FMNL2: variants seen among roughly 807,000 people sequenced by gnomAD.
The protein encoded by FMNL2 is formin like 2.
In FMNL2, 51 loss-of-function variants were observed where a neutral mutation model predicts 130.2. The ratio of observed to expected loss-of-function variants is 0.39; its 90% confidence interval spans 0.31 to 0.49. The LOEUF is 0.49. Among genes scored for constraint, FMNL2 ranks in the 20% least tolerant of loss-of-function variants. FMNL2 has a pLI of 0.85. For synonymous variants in FMNL2, 465 were observed against 467.1 expected, an observed-to-expected ratio of 1.00 and a Z score of 0.06; for missense variants, 977 against 1,316.2, an observed-to-expected ratio of 0.74 and a Z score of 3.99.
intron 1 of FMNL2, among the ~76,000 whole-genome samples, chr2:152,441,538 A>C (rs62180798): frequency 0.03 from 4,613 of 151,976 alleles, 83 homozygotes; most frequent in Non-Finnish European, 0.046. Context: ...ACCCTGTCTT[A>C]AAAATGGGGG....
At chr2:152,517,869 A>G (rs1692862748) in intron 1 of FMNL2, among the ~76,000 whole-genome samples, 1 of 152,196 alleles carries the variant, frequency 6.6e-6, no homozygotes, top group African/African-American at 2.4e-5. Flanking sequence ...AATATGTTGG[A>G]TGGAACAATG....
At chr2:152,415,640 C>A (rs531420212) in intron 1 of FMNL2, among the ~76,000 whole-genome samples, 1 of 152,054 alleles carries the variant, frequency 6.6e-6, no homozygotes, top group African/African-American at 2.4e-5. Flanking sequence ...AGAATTTTTT[C>A]CCCCCTCTGA....
Position 152,530,287 on chromosome 2 carries a change from T to C in FMNL2, c.201+8261T>C, listed in dbSNP as rs555420880. On this transcript the variant is annotated intron_variant, in intron 2 of 25. Transcript: ENST00000288670. ...ACCAAGTGATACAGATACTACCTTA[T>C]GTCATTTTAACATTTGACTATTTAA... is the stretch of plus-strand genomic sequence containing the variant. Among the ~76,000 whole-genome samples, 26 of 152,364 alleles carry C rather than the reference T, an allele frequency of 1.7e-4. No homozygotes were observed. The South Asian group carries it at 4.8e-3, about 28-fold the overall frequency.
intron 2 of FMNL2, among the ~76,000 whole-genome samples, chr2:152,535,885 A>G (rs139341252): frequency 1.5e-3 from 228 of 152,338 alleles, no homozygotes; most frequent in Non-Finnish European, 2.7e-3. Flanking sequence ...ACCATCCCCA[A>G]CATGCTCATA....
intron 1 of FMNL2, among the ~76,000 whole-genome samples, chr2:152,435,915 T>C (rs1281112616): frequency 2.0e-5 from 3 of 152,190 alleles, no homozygotes; most frequent in Non-Finnish European, 4.4e-5. Flanking sequence ...CCCACCACAA[T>C]ACTACCTTGA....
In FMNL2 at chr2:152,581,045, A is replaced by G. The variant is rs777060893; in HGVS notation, c.872A>G (p.Lys291Arg). Residue 291 changes from lysine to arginine, a missense_variant, in exon 9 of 26, where the codon AAA (lysine) becomes AGA (arginine). Coordinates refer to ENST00000288670, the MANE Select transcript of FMNL2 (RefSeq NM_052905.4). ...ATTTTATCAGCATTTGATAACTTTA[A>G]AGAGGTAGGCTACACTATAGTTTTC... ...EIILSAFDNF[K>R]EVCGEKQRFE... is the part of the protein sequence containing the mutation. 2 of 1,613,642 alleles carry G rather than the reference A, an allele frequency of 1.2e-6. No homozygotes were observed. The highest frequency in any genetic ancestry group is 1.7e-5 in the Admixed American group (1 of 60,014).
chr2:152,480,633 T>TAA (rs58943356), intron 1 of FMNL2, among the ~76,000 whole-genome samples: 1,620 of 37,342 alleles, frequency 0.043, 113 homozygotes, highest in East Asian at 0.12. Context: ...AGACTCTGTC[T>TAA]AAAAAAAAAA....
At chr2:152,446,423 G>A (rs1469799758) in intron 1 of FMNL2, among the ~76,000 whole-genome samples, 1 of 152,168 alleles carries the variant, frequency 6.6e-6, no homozygotes, top group African/African-American at 2.4e-5. Context: ...GATGGTAGCT[G>A]AAACCAGATT....
intron 1 of FMNL2, among the ~76,000 whole-genome samples, chr2:152,462,119 TC>T (rs1470515373): frequency 3.3e-5 from 5 of 152,138 alleles, no homozygotes. Flanking sequence ...TGCCTCAACC[TC>T]CCAAAGTGTT....
intron 1 of FMNL2, among the ~76,000 whole-genome samples, chr2:152,380,543 C>T (rs1031887268): frequency 6.6e-6 from 1 of 152,202 alleles, no homozygotes; most frequent in African/African-American, 2.4e-5. Context: ...CATTGTTCTC[C>T]ATACACTCTG....
At chr2:152,434,353 G>A (rs1687639091) in intron 1 of FMNL2, among the ~76,000 whole-genome samples, 1 of 152,174 alleles carries the variant, frequency 6.6e-6, no homozygotes, top group African/African-American at 2.4e-5. Flanking sequence ...ATATGACCTG[G>A]TGGCCCTTTG....
rs1173595907 is a variant in FMNL2 at position 152,629,672 on chromosome 2, T to C, written c.2417T>C (p.Ile806Thr). Reference protein sequence around the residue: ...QMLTPQLHAIIAASVSIKSSQ... With the variant: ...QMLTPQLHAITAASVSIKSSQ... ...GGAATCTAGCAACTACATGCGATTA[T>C]AGCAGCATCTGTCTCTATAAAGTCG... Residue 806 changes from isoleucine to threonine, a missense_variant, in exon 19 of 26, where the codon ATA becomes ACA. Transcript: ENST00000288670. 3 of 1,600,758 alleles carry C rather than the reference T, an allele frequency of 1.9e-6. No individual in the cohort carries two copies. Among genetic ancestry groups the C allele is most frequent in the Non-Finnish European group, 1.7e-6 (2 of 1,172,936 alleles).
At chr2:152,549,952 C>A (rs370089305) in intron 4 of FMNL2, among the ~76,000 whole-genome samples, 4 of 152,248 alleles carry the variant, frequency 2.6e-5, no homozygotes, top group African/African-American at 9.6e-5. Context: ...CCATGACATT[C>A]TTTGCAAGTC....
chr2:152,587,600 A>G (rs953499871), intron 9 of FMNL2, among the ~76,000 whole-genome samples: 1 of 152,224 alleles, frequency 6.6e-6, no homozygotes, highest in African/African-American at 2.4e-5. Flanking sequence ...ATATTGTGAG[A>G]GCCTTCCCTA....
At chr2:152,511,728 T>A (rs1409461897) in intron 1 of FMNL2, among the ~76,000 whole-genome samples, 1 of 152,060 alleles carries the variant, frequency 6.6e-6, no homozygotes, top group Non-Finnish European at 1.5e-5. Flanking sequence ...CTAGCGATAA[T>A]CTTAATGTCC....
intron 1 of FMNL2, among the ~76,000 whole-genome samples, chr2:152,375,867 C>CTATATA (rs1156878897): frequency 1.8e-5 from 2 of 113,130 alleles, no homozygotes; most frequent in African/African-American, 6.8e-5. Flanking sequence ...CTCTCTCTCT[C>CTATATA]TCTCTCTCTC....
At chr2:152,454,697 C>T (rs561521893) in intron 1 of FMNL2, among the ~76,000 whole-genome samples, 2 of 152,294 alleles carry the variant, frequency 1.3e-5, no homozygotes, top group African/African-American at 4.8e-5. Flanking sequence ...GGGAGCTCTT[C>T]ATTAAGATCA....
chr2:152,360,616 A>T (rs1683109351), intron 1 of FMNL2, among the ~76,000 whole-genome samples: 1 of 152,196 alleles, frequency 6.6e-6, no homozygotes, highest in African/African-American at 2.4e-5. Flanking sequence ...ATTGACAGCG[A>T]CTGGTGCTAA....
chr2:152,464,603 T>C (rs761002326), intron 1 of FMNL2, among the ~76,000 whole-genome samples: 3 of 152,194 alleles, frequency 2.0e-5, no homozygotes, highest in Non-Finnish European at 4.4e-5. Flanking sequence ...TTCACTGTCC[T>C]TGCCCCAGAG....
Sources: allele counts gnomAD v4.1 joint callset (sites outside exome capture counted in the v4.1 genomes callset), GRCh38; gene constraint gnomAD v4.1.1; transcripts MANE v1.5; gene names NCBI Gene and HGNC (gene_info 2026-07-23, HGNC 2026-07-21).